CCDC38: variants seen among roughly 807,000 people sequenced by gnomAD.
CCDC38 encodes coiled-coil domain containing 38.
Under a neutral mutation model 72.8 loss-of-function variants are expected in CCDC38, and 69 were observed. The ratio of observed to expected loss-of-function variants is 0.95; its 90% confidence interval spans 0.78 to 1.16. CCDC38 has a LOEUF of 1.16. CCDC38 is among the 50% of genes most tolerant of loss of function. The pLI is 0.00. For missense variants in CCDC38, 626 were observed against 638.9 expected, an observed-to-expected ratio of 0.98 and a Z score of 0.22; for synonymous variants, 201 against 213.2, an observed-to-expected ratio of 0.94 and a Z score of 0.50.
intron 2 of CCDC38, among the ~76,000 whole-genome samples, chr12:95,921,895 T>C (rs559675302): frequency 1.6e-4 from 25 of 152,176 alleles, no homozygotes; most frequent in African/African-American, 6.0e-4. Flanking sequence ...TTGCCCCAAA[T>C]CACTAGAATC....
chr12:95,907,700 C>T (rs1004862815), intron 4 of CCDC38, among the ~76,000 whole-genome samples: 2 of 145,852 alleles, frequency 1.4e-5, no homozygotes, highest in East Asian at 2.0e-4. Flanking sequence ...GGCTGCTGGG[C>T]GGAGGGGCTC....
rs1183072009 is a variant in CCDC38 at position 95,917,155 on chromosome 12, G to T, written c.278C>A (p.Pro93His). 6.3e-7 allele frequency: 1 copy of T among 1,597,418 alleles called. No individual in the cohort carries two copies. The highest frequency in any genetic ancestry group is 8.5e-7 in the Non-Finnish European group (1 of 1,176,528). ...TTCTATTAATCTAGGAATCGGAGCA[G>T]GACCTGGCCCAAACTTTTCAAATGA... ...GRSFEKFGPG[P>H]APIPRLIEGS... The change falls in exon 4 of 16, where the codon CCT (proline) becomes CAT (histidine). Residue 93 changes from proline to histidine, a missense_variant. By Grantham distance (77) the Pro-to-His change is moderately conservative (BLOSUM62 -2). Transcript: ENST00000344280.
At chr12:95,925,642 G>A (rs1338459182) in intron 2 of CCDC38, among the ~76,000 whole-genome samples, 2 of 152,136 alleles carry the variant, frequency 1.3e-5, no homozygotes, top group Admixed American at 6.5e-5. Flanking sequence ...AATGCTTCCA[G>A]TTTTTGCCCA....
chr12:95,931,152 C>G (rs2080333334), intron 2 of CCDC38, among the ~76,000 whole-genome samples: 1 of 152,148 alleles, frequency 6.6e-6, no homozygotes, highest in African/African-American at 2.4e-5. Flanking sequence ...GTTGATAGAG[C>G]TGTGTTCCTT....
rs554409785 is a variant in CCDC38 at position 95,906,373 on chromosome 12, G to T, written c.369+14C>A. 1.9e-6 allele frequency: 3 copies of T among 1,592,920 alleles called. No homozygotes were observed. The highest frequency in any genetic ancestry group is 2.2e-5 in the South Asian group (2 of 89,540). On this transcript the variant is annotated intron_variant, in intron 5 of 15. Coordinates refer to ENST00000344280, the MANE Select transcript of CCDC38 (RefSeq NM_182496.3). ...TCTTCCACTTGGCTAGGGGAGAAAA[G>T]TTATTTTTACTACCTCGAGCAGAAA...
At chr12:95,935,978 T>G (rs1453252795) in intron 2 of CCDC38, among the ~76,000 whole-genome samples, 1 of 151,998 alleles carries the variant, frequency 6.6e-6, no homozygotes, top group Non-Finnish European at 1.5e-5. Context: ...CTTGGGAGGC[T>G]GAGGAAGGAG....
At chr12:95,915,179 T>A (rs1386974457) in intron 4 of CCDC38, among the ~76,000 whole-genome samples, 1 of 152,186 alleles carries the variant, frequency 6.6e-6, no homozygotes, top group African/African-American at 2.4e-5. Flanking sequence ...AGTAGACTCG[T>A]TATAGTGAGT....
At chr12:95,878,803 C>A (rs1229396472) in intron 12 of CCDC38, among the ~76,000 whole-genome samples, 1 of 152,114 alleles carries the variant, frequency 6.6e-6, no homozygotes, top group African/African-American at 2.4e-5. Context: ...CCCAGAAAAT[C>A]TTATTGTGGA....
chr12:95,878,069 T>C, intron 13 of CCDC38, 142 bp downstream of exon 13: 5 of 931,960 alleles, frequency 5.4e-6, no homozygotes, highest in Non-Finnish European at 8.0e-6. Flanking sequence ...GCAAGATAAA[T>C]TCCAAGCTGG....
chr12:95,931,031 C>T (rs371901478), intron 2 of CCDC38, among the ~76,000 whole-genome samples: 14 of 152,220 alleles, frequency 9.2e-5, no homozygotes, highest in East Asian at 7.7e-4. Context: ...TTCCTATTGC[C>T]GCTGTAACAA....
At chr12:95,881,891 C>T (rs1331265937) in intron 10 of CCDC38, among the ~76,000 whole-genome samples, 4 of 152,170 alleles carry the variant, frequency 2.6e-5, no homozygotes, top group Non-Finnish European at 5.9e-5. Flanking sequence ...TTGCCTCATC[C>T]TTTTGTCCTT....
At chr12:95,887,013 A>G (rs939946529) in intron 10 of CCDC38, among the ~76,000 whole-genome samples, 1 of 152,154 alleles carries the variant, frequency 6.6e-6, no homozygotes, top group Non-Finnish European at 1.5e-5. Flanking sequence ...GTGAAACCCC[A>G]TCTCTACTAA....
chr12:95,939,881 A>T (rs1592814857), intron 1 of CCDC38, among the ~76,000 whole-genome samples: 1 of 151,864 alleles, frequency 6.6e-6, no homozygotes, highest in Admixed American at 6.6e-5. Flanking sequence ...CTATGGAAAG[A>T]CCCCTGGCCT....
chr12:95,921,344 GC>G lies in CCDC38; in HGVS notation c.38-2369del, dbSNP rs1223422451. On this transcript the variant is annotated intron_variant, in intron 2 of 15. Transcript: ENST00000344280. ...AAGTGTAATTGTCTATTTTCACACTGCTATAAAGAACTTCTCTGAGACTCGG... is the reference window on the plus strand; with the variant it reads ...AAGTGTAATTGTCTATTTTCACACTGTATAAAGAACTTCTCTGAGACTCGG... 2.6e-5 allele frequency among the ~76,000 whole-genome samples: 4 copies of G among 152,208 alleles called. No homozygotes were observed. The East Asian group carries it at 7.7e-4, about 29-fold the overall frequency.
At chr12:95,927,016 C>T (rs2080278748) in intron 2 of CCDC38, among the ~76,000 whole-genome samples, 1 of 152,094 alleles carries the variant, frequency 6.6e-6, no homozygotes, top group African/African-American at 2.4e-5. Context: ...AATGTATATT[C>T]TGTTGATTTG....
At chr12:95,899,035 C>G (rs184547862) in intron 5 of CCDC38, among the ~76,000 whole-genome samples, 2 of 152,132 alleles carry the variant, frequency 1.3e-5, no homozygotes, top group Non-Finnish European at 2.9e-5. Flanking sequence ...CAGTGTATTA[C>G]CCTCCAGTAC....
At chr12:95,881,268 C>T (rs1409958455) in intron 11 of CCDC38, among the ~76,000 whole-genome samples, 1 of 149,112 alleles carries the variant, frequency 6.7e-6, no homozygotes, top group Non-Finnish European at 1.5e-5. Flanking sequence ...TATATATATC[C>T]TAAATCATTA....
At chr12:95,928,269 C>G (rs1418650717) in intron 2 of CCDC38, among the ~76,000 whole-genome samples, 2 of 152,210 alleles carry the variant, frequency 1.3e-5, no homozygotes, top group African/African-American at 4.8e-5. Context: ...AACCTCCCTT[C>G]TCGCTTCATT....
chr12:95,914,918 C>T (rs73231439), intron 4 of CCDC38, among the ~76,000 whole-genome samples: 14,211 of 152,114 alleles, frequency 0.093, 955 homozygotes, highest in South Asian at 0.27. Context: ...GGTCTTCAAT[C>T]CTCATATTTA....
Sources: gnomAD v4.1 joint callset for allele counts (sites outside exome capture counted in the v4.1 genomes callset) on GRCh38, gnomAD v4.1.1 for gene constraint, MANE v1.5 for transcripts, NCBI Gene and HGNC (gene_info 2026-07-23, HGNC 2026-07-21) for gene names.